The following GRM1 variants were observed in gnomAD, a reference collection of about 807,000 sequenced individuals.
The protein encoded by GRM1 is glutamate metabotropic receptor 1.
GRM1 carries 33 observed loss-of-function variants against 90.9 expected under a neutral mutation model. That is an observed-to-expected ratio of 0.36 (90% CI 0.28 to 0.49). The LOEUF is 0.49. Ranked by LOEUF, GRM1 falls within the 20% of genes least tolerant of loss-of-function variation. The probability of loss-of-function intolerance (pLI) is 0.99; values close to 1 mark genes in which losing one functional copy is unlikely to be tolerated. For synonymous variants in GRM1, 700 were observed against 613.2 expected (o/e 1.14, Z -2.09); for missense variants, 1,190 against 1,534.3 (o/e 0.78, Z 3.75).
chr6:146,060,151 A>C (rs919047586), intron 1 of GRM1, among the ~76,000 whole-genome samples: 1 of 152,100 alleles, frequency 6.6e-6, no homozygotes, highest in Non-Finnish European at 1.5e-5. Context: ...CTTCTTCACC[A>C]AGCTTAATCA....
At chr6:146,074,334 G>T (rs1297959042) in intron 1 of GRM1, among the ~76,000 whole-genome samples, 1 of 152,108 alleles carries the variant, frequency 6.6e-6, no homozygotes. Flanking sequence ...CTTTTCCACA[G>T]GAGGAGTTTA....
At chr6:146,416,836 C>T (rs576531298) in intron 7 of GRM1, among the ~76,000 whole-genome samples, 3 of 152,228 alleles carry the variant, frequency 2.0e-5, no homozygotes, top group East Asian at 1.9e-4. Context: ...TCCTCAGCAC[C>T]GTGAGACTTC....
At chr6:146,249,585 C>G (rs537893751) in intron 2 of GRM1, among the ~76,000 whole-genome samples, 2 of 152,270 alleles carry the variant, frequency 1.3e-5, no homozygotes, top group East Asian at 3.9e-4. Context: ...ATGGAAATAC[C>G]TGGATGCCCA....
intron 7 of GRM1, among the ~76,000 whole-genome samples, chr6:146,414,547 C>T (rs1014552465): frequency 2.6e-5 from 4 of 151,888 alleles, no homozygotes; most frequent in Non-Finnish European, 4.4e-5. Context: ...GGACTACAGG[C>T]GCCCGCCACC....
At chr6:146,296,644 G>A (rs1395324213) in intron 2 of GRM1, among the ~76,000 whole-genome samples, 1 of 152,066 alleles carries the variant, frequency 6.6e-6, no homozygotes, top group Non-Finnish European at 1.5e-5. Context: ...TTTGACTTCC[G>A]ATGGCATTTC....
At chr6:146,240,233 G>A (rs1780804562) in intron 2 of GRM1, among the ~76,000 whole-genome samples, 2 of 151,948 alleles carry the variant, frequency 1.3e-5, no homozygotes. Flanking sequence ...TGGCTCCGAC[G>A]TTTTGACTGG....
intron 1 of GRM1, among the ~76,000 whole-genome samples, chr6:146,053,759 ATATTTT>A (rs1174623402): frequency 6.6e-6 from 1 of 152,056 alleles, no homozygotes; most frequent in Non-Finnish European, 1.5e-5. Context: ...TCTGGGACTC[ATATTTT>A]TATAATCCCC....
chr6:146,220,249 A>T (rs934304960), intron 2 of GRM1, among the ~76,000 whole-genome samples: 5 of 152,168 alleles, frequency 3.3e-5, no homozygotes, highest in Admixed American at 6.6e-5. Context: ...ATTCAATTTA[A>T]TTTTGAATTC....
At chr6:146,075,149 G>A (rs1252047792) in intron 1 of GRM1, among the ~76,000 whole-genome samples, 2 of 151,946 alleles carry the variant, frequency 1.3e-5, no homozygotes, top group African/African-American at 4.8e-5. Flanking sequence ...TTTGCCCTTT[G>A]CAAATAACAA....
chr6:146,099,173 G>A (rs1351313314), intron 1 of GRM1, among the ~76,000 whole-genome samples: 1 of 152,116 alleles, frequency 6.6e-6, no homozygotes, highest in East Asian at 1.9e-4. Context: ...ATCACTTTGA[G>A]CTCAGAAGTT....
chr6:146,281,047 T>C (rs1258136576), intron 2 of GRM1, among the ~76,000 whole-genome samples: 1 of 152,230 alleles, frequency 6.6e-6, no homozygotes, highest in Non-Finnish European at 1.5e-5. Flanking sequence ...ACTTACTGTC[T>C]AGTTAAGAAC....
chr6:146,103,393 ACAC>A (rs1777114524), intron 1 of GRM1, among the ~76,000 whole-genome samples: 1 of 152,166 alleles, frequency 6.6e-6, no homozygotes, highest in East Asian at 1.9e-4. Flanking sequence ...AGGTGAAGGG[ACAC>A]GAAGGCCCAG....
intron 3 of GRM1, among the ~76,000 whole-genome samples, chr6:146,321,455 G>A (rs777851514): frequency 6.6e-6 from 1 of 152,216 alleles, no homozygotes; most frequent in Non-Finnish European, 1.5e-5. Flanking sequence ...TTGATTTGGG[G>A]TGGAGAGTTC....
chr6:146,180,876 CACTT>C (rs1778526717), intron 2 of GRM1, among the ~76,000 whole-genome samples: 1 of 152,122 alleles, frequency 6.6e-6, no homozygotes, highest in Non-Finnish European at 1.5e-5. Flanking sequence ...AATAAGAACT[CACTT>C]ACAGCAAATA....
chr6:146,408,846 A>G (rs1777453647), intron 7 of GRM1, among the ~76,000 whole-genome samples: 1 of 152,160 alleles, frequency 6.6e-6, no homozygotes, highest in Admixed American at 6.6e-5. Flanking sequence ...CTTAGTGTCC[A>G]GTGTAAAGTG....
intron 1 of GRM1, among the ~76,000 whole-genome samples, chr6:146,114,077 G>C (rs1454495975): frequency 6.6e-6 from 1 of 152,090 alleles, no homozygotes; most frequent in East Asian, 1.9e-4. Context: ...AATTGAAAAG[G>C]GAGAGGTAGA....
At chr6:146,421,197 T>C (rs867040729) in intron 7 of GRM1, among the ~76,000 whole-genome samples, 1 of 151,966 alleles carries the variant, frequency 6.6e-6, no homozygotes, top group Middle Eastern at 3.4e-3. Context: ...GGGAAAAAAA[T>C]CTCCCATTAA....
At chr6:146,270,812 T>G (rs897041486) in intron 2 of GRM1, among the ~76,000 whole-genome samples, 3 of 148,138 alleles carry the variant, frequency 2.0e-5, no homozygotes, top group Non-Finnish European at 2.9e-5. Flanking sequence ...AAGATTTTCT[T>G]TTCTGTCTGC....
chr6:146,230,442 A>G (rs1440614469), intron 2 of GRM1, among the ~76,000 whole-genome samples: 5 of 152,194 alleles, frequency 3.3e-5, no homozygotes. Flanking sequence ...TCAAAGAAAT[A>G]CAAATTAAAA....
Sources: gnomAD v4.1 joint callset for allele counts (sites outside exome capture counted in the v4.1 genomes callset) on GRCh38, gnomAD v4.1.1 for gene constraint, MANE v1.5 for transcripts, NCBI Gene and HGNC (gene_info 2026-07-23, HGNC 2026-07-21) for gene names.